Variants in PSMA8 observed in about 807,000 individuals in gnomAD.
The protein encoded by PSMA8 is proteasome subunit alpha-type 8.
In PSMA8, 18 loss-of-function variants were observed where a neutral mutation model predicts 32.4. The observed-to-expected ratio is 0.56, with a 90% CI of 0.38 to 0.82. The LOEUF is 0.82. PSMA8 is among the 40% of genes least tolerant of loss of function. The pLI is 0.00. For synonymous variants in PSMA8, 104 were observed against 98.1 expected, an observed-to-expected ratio of 1.06 and a Z score of -0.36; for missense variants, 298 against 300.7, an observed-to-expected ratio of 0.99 and a Z score of 0.07.
intron 1 of PSMA8, chr18:26,140,162 C>T (rs1205763893): frequency 1.4e-6 from 1 of 702,810 alleles, no homozygotes; most frequent in Non-Finnish European, 2.6e-6. Context: ...ACCAGTTAGC[C>T]CATCCAGAGA....
chr18:26,188,411 A>G (rs1471384053), intron 6 of PSMA8, among the ~76,000 whole-genome samples: 1 of 152,012 alleles, frequency 6.6e-6, no homozygotes, highest in Non-Finnish European at 1.5e-5. Flanking sequence ...AAATGTCCAT[A>G]CTACCCAAAG....
chr18:26,188,129 G>A (rs2055371428), intron 6 of PSMA8, among the ~76,000 whole-genome samples: 1 of 151,818 alleles, frequency 6.6e-6, no homozygotes, highest in South Asian at 2.1e-4. Flanking sequence ...TCAGTAACTA[G>A]AGGAATTTTG....
intron 4 of PSMA8, among the ~76,000 whole-genome samples, chr18:26,173,500 T>A (rs1291574571): frequency 6.6e-6 from 1 of 152,182 alleles, no homozygotes; most frequent in South Asian, 2.1e-4. Context: ...TTACCTTGTT[T>A]ATTATCTATC....
At chr18:26,134,365 C>CTGTG (rs1396020914) in intron 1 of PSMA8, among the ~76,000 whole-genome samples, 1 of 121,634 alleles carries the variant, frequency 8.2e-6, no homozygotes, top group African/African-American at 4.5e-5. Flanking sequence ...GTGTGTGTGT[C>CTGTG]TCTGTGTGTG....
intron 4 of PSMA8, among the ~76,000 whole-genome samples, chr18:26,175,360 C>G (rs1192227009): frequency 1.3e-5 from 2 of 152,146 alleles, no homozygotes; most frequent in African/African-American, 4.8e-5. Context: ...CAGGATGGGG[C>G]AGAGGGAGAC....
intron 4 of PSMA8, among the ~76,000 whole-genome samples, chr18:26,176,079 A>G (rs1261612914): frequency 6.8e-6 from 1 of 147,060 alleles, no homozygotes; most frequent in Non-Finnish European, 1.5e-5. Context: ...TAGGAAAAGC[A>G]TTGCAAAACT....
At chr18:26,165,108 C>T (rs932492970) in intron 4 of PSMA8, among the ~76,000 whole-genome samples, 1 of 152,012 alleles carries the variant, frequency 6.6e-6, no homozygotes, top group African/African-American at 2.4e-5. Flanking sequence ...CGGGGTTTCA[C>T]GCTGTTGGCA....
intron 6 of PSMA8, among the ~76,000 whole-genome samples, chr18:26,192,053 C>A (rs1308137122): frequency 2.6e-5 from 4 of 152,108 alleles, no homozygotes; most frequent in Non-Finnish European, 5.9e-5. Context: ...GAGTTATATG[C>A]ACATATAGGA....
intron 4 of PSMA8, 117 bp from the exon 5 acceptor site, chr18:26,178,713 A>G (rs1463635161): frequency 1.2e-6 from 1 of 863,430 alleles, no homozygotes; most frequent in Admixed American, 2.9e-5. Flanking sequence ...TGTAATTTTC[A>G]TTTGGTAATT....
At chr18:26,180,464 T>G (rs2055301444) in intron 6 of PSMA8, among the ~76,000 whole-genome samples, 1 of 152,000 alleles carries the variant, frequency 6.6e-6, no homozygotes, top group Admixed American at 6.6e-5. Context: ...AGCAGCAAAG[T>G]TTCAATAAAT....
chr18:26,181,209 T>C (rs957840878), intron 6 of PSMA8, among the ~76,000 whole-genome samples: 19 of 152,212 alleles, frequency 1.2e-4, no homozygotes, highest in African/African-American at 2.4e-4. Flanking sequence ...ATGTGTAATA[T>C]AGTGACAATG....
intron 4 of PSMA8, among the ~76,000 whole-genome samples, chr18:26,172,731 T>C (rs10853660): frequency 0.11 from 16,382 of 152,130 alleles, 1,409 homozygotes; most frequent in African/African-American, 0.25. Flanking sequence ...TGCTTCCAAC[T>C]ACCACCTCAT....
At chr18:26,175,533 C>A (rs1352978730) in intron 4 of PSMA8, among the ~76,000 whole-genome samples, 1 of 152,124 alleles carries the variant, frequency 6.6e-6, no homozygotes, top group Non-Finnish European at 1.5e-5. Flanking sequence ...GAGCACATGA[C>A]CTTACCTGAG....
rs1438870602 is a variant in PSMA8, at chr18:26,192,666, CTA to C, written c.*258_*259del. On this transcript the variant is annotated 3_prime_UTR_variant, in exon 7 of 7. Coordinates refer to ENST00000415576, the MANE Select transcript of PSMA8 (RefSeq NM_001025096.2). ...CATAATTCCACATAAGCCTGAGACT[CTA>C]TAATTTGTCCAGTGTCTTACTTACC... is the stretch of plus-strand genomic sequence containing the variant. The C allele has an allele frequency of 8.8e-6, 2 of 227,728 alleles. No individual in the cohort carries two copies. Among genetic ancestry groups the C allele is most frequent in the Admixed American group, 1.2e-4 (2 of 17,164 alleles). The allele number at this position is 227,728 out of a possible 1,614,324, so 14.1% of individuals were successfully genotyped here.
intron 3 of PSMA8, 84 bp downstream of exon 3, chr18:26,152,066 C>T: frequency 9.9e-7 from 1 of 1,005,234 alleles, no homozygotes; most frequent in East Asian, 2.7e-5. Context: ...TACAGTTACT[C>T]CAACCATGTA....
At chr18:26,175,291 T>G (rs145011627) in intron 4 of PSMA8, among the ~76,000 whole-genome samples, 1 of 152,320 alleles carries the variant, frequency 6.6e-6, no homozygotes, top group East Asian at 1.9e-4. Context: ...GGGAAGATTA[T>G]TATTTTATAA....
chr18:26,179,567 T>G (rs2055293338), intron 6 of PSMA8, among the ~76,000 whole-genome samples: 1 of 152,194 alleles, frequency 6.6e-6, no homozygotes, highest in Non-Finnish European at 1.5e-5. Context: ...ATTATATGTA[T>G]AACGTCTGTC....
intron 6 of PSMA8, among the ~76,000 whole-genome samples, chr18:26,185,087 C>CAAA (rs772421124): frequency 9.0e-5 from 5 of 55,438 alleles, no homozygotes; most frequent in Admixed American, 1.7e-4. Context: ...AACTCCATCT[C>CAAA]AAAAAAAAAA....
chr18:26,183,686 A>T (rs868847997), intron 6 of PSMA8, among the ~76,000 whole-genome samples: 1 of 150,914 alleles, frequency 6.6e-6, no homozygotes, highest in South Asian at 2.1e-4. Flanking sequence ...ATATTGTTGA[A>T]ATAACAACAA....
Sources: gnomAD v4.1 joint callset for allele counts (sites outside exome capture counted in the v4.1 genomes callset) on GRCh38, gnomAD v4.1.1 for gene constraint, MANE v1.5 for transcripts, NCBI Gene and HGNC (gene_info 2026-07-23, HGNC 2026-07-21) for gene names.